The following ZNF26 variants were observed in gnomAD, a reference collection of about 807,000 sequenced individuals.
The protein encoded by ZNF26 is zinc finger protein 26.
Under a neutral mutation model 54.9 loss-of-function variants are expected in ZNF26, and 32 were observed. That is an observed-to-expected ratio of 0.58 (90% CI 0.44 to 0.78). The LOEUF (loss-of-function observed/expected upper bound fraction) is 0.78, where lower values mean the gene tolerates loss of function less well. ZNF26 is among the 30% of genes least tolerant of loss of function. The pLI is 0.00. For synonymous variants in ZNF26, 221 were observed against 209.2 expected, an observed-to-expected ratio of 1.06 and a Z score of -0.49; for missense variants, 524 against 634.0, an observed-to-expected ratio of 0.83 and a Z score of 1.86.
intron 1 of ZNF26, among the ~76,000 whole-genome samples, chr12:132,993,967 G>A (rs1387469326): frequency 6.6e-6 from 1 of 152,062 alleles, no homozygotes; most frequent in Non-Finnish European, 1.5e-5. Context: ...GTATTTCCCA[G>A]GCCACCCCCA....
Position 133,024,571 on chromosome 12 carries a change from A to G in ZNF26, c.*13090A>G, listed in dbSNP as rs1480450333. On this transcript the variant is annotated 3_prime_UTR_variant, in exon 4 of 4. Coordinates refer to ENST00000328654, the MANE Select transcript of ZNF26 (RefSeq NM_019591.4). ...AAACAGTCTTTTCAGCTTGTAAAGC[A>G]TTCTCAAAGTACGAAAGCTCCTCAG... The G allele has an allele frequency of 3.3e-5, 5 of 152,220 alleles. No homozygotes were observed. Among genetic ancestry groups the G allele is most frequent in the African/African-American group, 1.2e-4 (5 of 41,452 alleles). 9.4% of individuals were successfully genotyped at this position (152,220 alleles called of 1,614,324 possible).
chr12:133,000,402 C>T (rs1203238743), intron 1 of ZNF26, among the ~76,000 whole-genome samples: 1 of 149,472 alleles, frequency 6.7e-6, no homozygotes, highest in African/African-American at 2.5e-5. Flanking sequence ...CAGGCATGCG[C>T]CGCCATACCT....
chr12:133,000,986 T>C (rs982354530), intron 1 of ZNF26, among the ~76,000 whole-genome samples: 4 of 152,286 alleles, frequency 2.6e-5, no homozygotes, highest in African/African-American at 9.6e-5. Context: ...TCTTCCATCC[T>C]GTGTCCCCAG....
intron 3 of ZNF26, 37 bp downstream of exon 3, chr12:133,007,569 G>A: frequency 2.7e-6 from 4 of 1,500,002 alleles, no homozygotes; most frequent in South Asian, 1.2e-5. Context: ...GGAGGCATGG[G>A]AGTGAGCTGA....
Position 133,015,444 on chromosome 12 carries a change from T to C in ZNF26, c.*3963T>C, listed in dbSNP as rs1953554706. 1.3e-5 allele frequency: 2 copies of C among 151,634 alleles called. No individual in the cohort carries two copies. The allele number at this position is 151,634 out of a possible 1,614,324, so 9.4% of individuals were successfully genotyped here. On this transcript the variant is annotated 3_prime_UTR_variant, in exon 4 of 4. Transcript: ENST00000328654. ...CTGTGGCATGTATCTATGTCTTCAC[T>C]TGCATCGGCCTCAATTATCAACTTG...
rs1479842856 is a variant in ZNF26 at position 132,986,465 on chromosome 12, T to C, written c.-376T>C. The C allele has an allele frequency of 4.0e-6, 1 of 252,656 alleles. No individual in the cohort carries two copies. The highest frequency in any genetic ancestry group is 7.7e-6 in the Non-Finnish European group (1 of 129,480). 15.7% of individuals were successfully genotyped at this position (252,656 alleles called of 1,614,324 possible). On this transcript the variant is annotated 5_prime_UTR_variant, in exon 1 of 4. Transcript: ENST00000328654. ...GCGGGTGTACCTGGCTGAGTCTCTG[T>C]GGCCGCGGAGGCGCGGAGCTAAGCG...
chr12:132,995,768 C>T (rs1039719491), intron 1 of ZNF26, among the ~76,000 whole-genome samples: 50 of 152,268 alleles, frequency 3.3e-4, no homozygotes, highest in East Asian at 2.9e-3. Flanking sequence ...TCTTCTGCCT[C>T]AGCCTACCCA....
intron 1 of ZNF26, chr12:133,006,290 C>A: frequency 1.0e-6 from 1 of 985,404 alleles, no homozygotes; most frequent in Non-Finnish European, 1.2e-6. Context: ...TCTTGTTTAT[C>A]CCCCTGTTCT....
At position 133,010,670 on chromosome 12, in the gene ZNF26, G is replaced by A. The variant is rs1953450658; in HGVS notation, c.791G>A (p.Gly264Glu). The A allele has an allele frequency of 1.9e-6, 3 of 1,614,102 alleles. No homozygotes were observed. The highest frequency in any genetic ancestry group is 2.5e-6 in the Non-Finnish European group (3 of 1,180,018). Residue 264 changes from glycine (G) to glutamate (E), a missense_variant, in exon 4 of 4, where the codon GGG (glycine) becomes GAG (glutamate). Coordinates refer to ENST00000328654, the MANE Select transcript of ZNF26 (RefSeq NM_019591.4). The part of the protein sequence containing the change: ...GGKPYGCSEC[G>E]KAYSWKSQLL... ...AAACCCTATGGCTGCAGTGAATGTGGGAAAGCCTACAGTTGGAAATCACAG... is the reference window on the plus strand; with the variant it reads ...AAACCCTATGGCTGCAGTGAATGTGAGAAAGCCTACAGTTGGAAATCACAG...
At chr12:132,992,394 A>G (rs1280695178) in intron 1 of ZNF26, among the ~76,000 whole-genome samples, 1 of 150,342 alleles carries the variant, frequency 6.7e-6, no homozygotes, top group Non-Finnish European at 1.5e-5. Context: ...ATTTTTTTTC[A>G]TCTCTGGCTT....
intron 3 of ZNF26, 96 bp downstream of exon 3, chr12:133,007,628 C>A: frequency 1.2e-6 from 1 of 854,360 alleles, no homozygotes; most frequent in Non-Finnish European, 1.8e-6. Flanking sequence ...AGAAATGCTT[C>A]TGGAAGTCCT....
intron 1 of ZNF26, among the ~76,000 whole-genome samples, chr12:132,993,027 C>CTT (rs71079156): frequency 1.6e-4 from 21 of 129,442 alleles, no homozygotes; most frequent in Non-Finnish European, 2.1e-4. Flanking sequence ...ACTAGTATTT[C>CTT]TTTTTTTTTT....
At chr12:133,000,237 C>A (rs1334798508) in intron 1 of ZNF26, among the ~76,000 whole-genome samples, 1 of 151,356 alleles carries the variant, frequency 6.6e-6, no homozygotes, top group African/African-American at 2.4e-5. Flanking sequence ...TTGTATTTTA[C>A]TTTTATTCTT....
rs926836277 is a variant in ZNF26 at position 133,008,194 on chromosome 12, C to T, written c.256+662C>T. ...ACCTGCCTGTGGGAGCGCTACCCCA[C>T]GCTTTCCCAGACTTTACTCTCAGTA... is the stretch of plus-strand genomic sequence containing the variant. On this transcript the variant is annotated intron_variant, in intron 3 of 3. Coordinates refer to ENST00000328654, the MANE Select transcript of ZNF26 (RefSeq NM_019591.4). 3.9e-5 allele frequency among the ~76,000 whole-genome samples: 6 copies of T among 152,306 alleles called. No individual in the cohort carries two copies. The South Asian group carries it at 8.3e-4, about 21-fold the overall frequency.
chr12:132,987,310 C>T (rs957152303), intron 1 of ZNF26, among the ~76,000 whole-genome samples: 2 of 152,070 alleles, frequency 1.3e-5, no homozygotes, highest in Non-Finnish European at 2.9e-5. Flanking sequence ...ATGTATGTTC[C>T]TAATTTTAGA....
chr12:132,995,055 A>G (rs1953047238), intron 1 of ZNF26: 1 of 152,208 alleles, frequency 6.6e-6, no homozygotes, highest in Admixed American at 6.5e-5. Context: ...GAGTCATTGT[A>G]TACGTATATT....
Position 133,015,061 on chromosome 12 carries a change from AG to A in ZNF26, c.*3581del, listed in dbSNP as rs2137270465. The A allele has an allele frequency of 6.6e-6, 1 of 152,038 alleles. No individual in the cohort carries two copies. Among genetic ancestry groups the A allele is most frequent in the African/African-American group, 2.4e-5 (1 of 41,472 alleles). 9.4% of individuals were successfully genotyped at this position (152,038 alleles called of 1,614,324 possible). On this transcript the variant is annotated 3_prime_UTR_variant, in exon 4 of 4. Coordinates refer to ENST00000328654, the MANE Select transcript of ZNF26 (RefSeq NM_019591.4). ...GACCCAATAAAAGTGTGTTATTGAA[AG>A]TAGTAGCTACTGGCCGGGCGTGGTG... is the stretch of plus-strand genomic sequence containing the variant.
intron 1 of ZNF26, among the ~76,000 whole-genome samples, chr12:132,993,454 T>C (rs1953007232): frequency 6.6e-6 from 1 of 151,918 alleles, no homozygotes; most frequent in African/African-American, 2.4e-5. Flanking sequence ...TTGCCCTGTC[T>C]GTGTTTTTGT....
Position 133,020,993 on chromosome 12 carries a change from G to A in ZNF26, c.*9512G>A, listed in dbSNP as rs1477108133. 6.6e-6 allele frequency: 1 copy of A among 150,614 alleles called. No individual in the cohort carries two copies. The highest frequency in any genetic ancestry group is 1.5e-5 in the Non-Finnish European group (1 of 67,024). The allele number at this position is 150,614 out of a possible 1,614,324, so 9.3% of individuals were successfully genotyped here. The stretch of plus-strand genomic sequence containing the variant: ...TCTCCAAATAAGGCCTCACTCTGAG[G>A]TATGGAAATTAGGACCCCAACATAT... On this transcript the variant is annotated 3_prime_UTR_variant, in exon 4 of 4. Coordinates refer to ENST00000328654, the MANE Select transcript of ZNF26 (RefSeq NM_019591.4).
Sources: allele counts gnomAD v4.1 joint callset (sites outside exome capture counted in the v4.1 genomes callset), GRCh38; gene constraint gnomAD v4.1.1; transcripts MANE v1.5; gene names NCBI Gene and HGNC (gene_info 2026-07-23, HGNC 2026-07-21).